Variants in GALNTL6 observed in about 807,000 individuals in gnomAD.
GALNTL6 encodes polypeptide N-acetylgalactosaminyltransferase-like 6.
A neutral mutation model predicts 73.7 loss-of-function variants in GALNTL6; 46 were observed. The ratio of observed to expected loss-of-function variants is 0.62; its 90% CI spans 0.49 to 0.80. The LOEUF (loss-of-function observed/expected upper bound fraction) is 0.80. Among genes scored for constraint, GALNTL6 ranks in the 30% least tolerant of loss-of-function variants. The probability of loss-of-function intolerance (pLI) is 0.00; values close to 1 mark genes in which losing one functional copy is unlikely to be tolerated. For missense variants in GALNTL6, 604 were observed against 755.0 expected (o/e 0.80, Z 2.34); for synonymous variants, 259 against 263.7 (o/e 0.98, Z 0.17).
intron 2 of GALNTL6, among the ~76,000 whole-genome samples, chr4:172,183,349 CT>C (rs1735314318): frequency 6.6e-6 from 1 of 152,040 alleles, no homozygotes; most frequent in South Asian, 2.1e-4. Context: ...TAGGGATATC[CT>C]TAGAGAAAGA....
chr4:172,482,059 C>T (rs1392637813), intron 5 of GALNTL6, among the ~76,000 whole-genome samples: 1 of 152,236 alleles, frequency 6.6e-6, no homozygotes, highest in African/African-American at 2.4e-5. Context: ...GAGCGCAGCG[C>T]AGGTGGCCCA....
intron 5 of GALNTL6, among the ~76,000 whole-genome samples, chr4:172,773,272 G>A (rs7689021): frequency 0.52 from 78,804 of 151,802 alleles, 21,314 homozygotes; most frequent in East Asian, 0.78. Flanking sequence ...CGATCATAGC[G>A]TCCTGCAGAC....
intron 2 of GALNTL6, among the ~76,000 whole-genome samples, chr4:171,927,924 T>C (rs1339121412): frequency 6.6e-6 from 1 of 152,196 alleles, no homozygotes; most frequent in Non-Finnish European, 1.5e-5. Flanking sequence ...ACGCCACTCG[T>C]CATTACCTAT....
chr4:172,740,411 G>A (rs1019275754), intron 5 of GALNTL6, among the ~76,000 whole-genome samples: 2 of 152,126 alleles, frequency 1.3e-5, no homozygotes, highest in Non-Finnish European at 1.5e-5. Flanking sequence ...TCATCGTGTT[G>A]TTCACAGTCT....
At chr4:172,564,383 G>T (rs764731801) in intron 5 of GALNTL6, among the ~76,000 whole-genome samples, 1 of 152,166 alleles carries the variant, frequency 6.6e-6, no homozygotes, top group Non-Finnish European at 1.5e-5. Context: ...GATTCCTTAT[G>T]TGTGACTAGT....
intron 5 of GALNTL6, among the ~76,000 whole-genome samples, chr4:172,374,970 G>A (rs2111266662): frequency 6.6e-6 from 1 of 152,290 alleles, no homozygotes; most frequent in South Asian, 2.1e-4. Context: ...ACATGTACCT[G>A]GGTTGGGCCA....
intron 5 of GALNTL6, among the ~76,000 whole-genome samples, chr4:172,534,317 G>A (rs1318419909): frequency 1.3e-5 from 2 of 152,154 alleles, no homozygotes; most frequent in Non-Finnish European, 2.9e-5. Context: ...ACACAGTCAT[G>A]CAGATACTCA....
chr4:171,901,004 G>T (rs1299968132), intron 2 of GALNTL6, among the ~76,000 whole-genome samples: 3 of 152,104 alleles, frequency 2.0e-5, no homozygotes, highest in South Asian at 2.1e-4. Flanking sequence ...TCCAAAACAG[G>T]CCAGGAAGAC....
At chr4:172,825,316 T>G (rs948291297) in intron 7 of GALNTL6, among the ~76,000 whole-genome samples, 4 of 152,010 alleles carry the variant, frequency 2.6e-5, no homozygotes, top group African/African-American at 9.7e-5. Context: ...AGGCTGCCAG[T>G]GGAAAGGCTC....
At chr4:172,487,351 T>TTTCCTTCC (rs1554029573) in intron 5 of GALNTL6, among the ~76,000 whole-genome samples, 1 of 104,490 alleles carries the variant, frequency 9.6e-6, no homozygotes, top group African/African-American at 3.5e-5. Flanking sequence ...TCTTTCTTTC[T>TTTCCTTCC]TTCTTTCCTT....
chr4:171,925,264 C>T (rs1429455626), intron 2 of GALNTL6, among the ~76,000 whole-genome samples: 1 of 151,998 alleles, frequency 6.6e-6, no homozygotes, highest in Non-Finnish European at 1.5e-5. Context: ...TGTCGCAGTG[C>T]CTGAGATATG....
intron 2 of GALNTL6, among the ~76,000 whole-genome samples, chr4:171,901,982 C>G (rs918582637): frequency 2.0e-5 from 3 of 152,128 alleles, no homozygotes; most frequent in African/African-American, 4.8e-5. Context: ...AACATGCATA[C>G]AGCTCATCAT....
chr4:172,407,232 T>C (rs1744269188), intron 5 of GALNTL6, among the ~76,000 whole-genome samples: 3 of 152,084 alleles, frequency 2.0e-5, no homozygotes, highest in African/African-American at 7.2e-5. Context: ...TTATCCAATA[T>C]GCACTTCACA....
At chr4:172,670,335 G>A (rs1731906193) in intron 5 of GALNTL6, among the ~76,000 whole-genome samples, 1 of 151,810 alleles carries the variant, frequency 6.6e-6, no homozygotes, top group African/African-American at 2.4e-5. Flanking sequence ...CTTTTTAATA[G>A]TAGCCTTTCT....
intron 4 of GALNTL6, among the ~76,000 whole-genome samples, chr4:172,317,048 G>A (rs1740586413): frequency 6.6e-6 from 1 of 152,184 alleles, no homozygotes; most frequent in Non-Finnish European, 1.5e-5. Context: ...TCTAATGACT[G>A]TCCTGCCACA....
chr4:172,373,938 A>C (rs9968419), intron 5 of GALNTL6, among the ~76,000 whole-genome samples: 145,899 of 152,200 alleles, frequency 0.96, 70,200 homozygotes, highest in Non-Finnish European at 1. Context: ...TCCTGACCCT[A>C]AGTGGTTAAA....
chr4:172,390,493 C>T (rs1178374137), intron 5 of GALNTL6, among the ~76,000 whole-genome samples: 3 of 152,226 alleles, frequency 2.0e-5, no homozygotes, highest in Non-Finnish European at 4.4e-5. Context: ...TAAAATCTCA[C>T]ACCTACTTGC....
chr4:172,849,081 A>G (rs563003813), intron 7 of GALNTL6, among the ~76,000 whole-genome samples: 53 of 152,208 alleles, frequency 3.5e-4, no homozygotes, highest in African/African-American at 1.2e-3. Flanking sequence ...AAAAACGTTA[A>G]CAAGTTGAAT....
intron 3 of GALNTL6, among the ~76,000 whole-genome samples, chr4:172,270,419 T>G (rs1236044340): frequency 1.3e-5 from 2 of 152,072 alleles, no homozygotes; most frequent in Non-Finnish European, 2.9e-5. Context: ...AGCAGATTGG[T>G]TTTTCAACAT....
Sources: allele counts gnomAD v4.1 joint callset (sites outside exome capture counted in the v4.1 genomes callset), GRCh38; gene constraint gnomAD v4.1.1; transcripts MANE v1.5; gene names NCBI Gene and HGNC (gene_info 2026-07-23, HGNC 2026-07-21).